TBC1D2B: variants seen among roughly 807,000 people sequenced by gnomAD.
TBC1D2B encodes TBC1 domain family member 2B.
In TBC1D2B, 64 loss-of-function variants were observed where a neutral mutation model predicts 100.8. That is an observed-to-expected ratio of 0.64 (90% CI 0.52 to 0.78). The LOEUF is 0.78. TBC1D2B is among the 30% of genes least tolerant of loss of function. The pLI, the probability that TBC1D2B is intolerant of heterozygous loss-of-function variation, is 0.00. For synonymous variants in TBC1D2B, 480 were observed against 479.7 expected (o/e 1.00, Z -0.01); for missense variants, 1,052 against 1,218.4 (o/e 0.86, Z 2.03).
At chr15:78,057,939 G>C (rs1244152979) in intron 1 of TBC1D2B, among the ~76,000 whole-genome samples, 1 of 152,166 alleles carries the variant, frequency 6.6e-6, no homozygotes, top group African/African-American at 2.4e-5. Flanking sequence ...TTCGGCTCAG[G>C]CCTAATTAAA....
intron 6 of TBC1D2B, among the ~76,000 whole-genome samples, chr15:78,020,749 C>G (rs2072496181): frequency 6.6e-6 from 1 of 152,148 alleles, no homozygotes; most frequent in Non-Finnish European, 1.5e-5. Context: ...CTGTTTGTGC[C>G]TCTAAACTAA....
intron 2 of TBC1D2B, among the ~76,000 whole-genome samples, chr15:78,051,563 T>C (rs1222662404): frequency 2.0e-5 from 3 of 152,244 alleles, no homozygotes; most frequent in African/African-American, 7.2e-5. Context: ...TTCTCCATAT[T>C]GACTTTAGGT....
rs1213301019 is a variant in TBC1D2B, at chr15:78,003,461, C to T, written c.2418G>A (p.Met806Ile). The change falls in exon 11 of 13, where the codon ATG (methionine) becomes ATA (isoleucine). Residue 806 changes from methionine (M) to isoleucine (I), a missense_variant. Met to Ile is a conservative substitution (Grantham distance 10, BLOSUM62 1). Coordinates refer to ENST00000300584, the MANE Select transcript of TBC1D2B (RefSeq NM_144572.2). Reference sequence around the variant, plus strand: ...CATGCAACCGAGGCAGCTTCTCACTCATAAGGTCTCTGAACACCCGCTGGT... The same window carrying T: ...CATGCAACCGAGGCAGCTTCTCACTTATAAGGTCTCTGAACACCCGCTGGT... ...QVDQRVFRDL[M>I]SEKLPRLHGH... The T allele has an allele frequency of 6.2e-7, 1 of 1,612,670 alleles. No homozygotes were observed. Among genetic ancestry groups the T allele is most frequent in the South Asian group, 1.1e-5 (1 of 91,048 alleles).
intron 1 of TBC1D2B, among the ~76,000 whole-genome samples, chr15:78,060,879 T>C (rs886517745): frequency 2.6e-5 from 4 of 151,494 alleles, no homozygotes; most frequent in African/African-American, 9.7e-5. Flanking sequence ...ATCGCGCCAC[T>C]GCACTCCAGC....
At chr15:78,052,031 T>C (rs1448792222) in intron 2 of TBC1D2B, among the ~76,000 whole-genome samples, 2 of 152,206 alleles carry the variant, frequency 1.3e-5, no homozygotes, top group East Asian at 3.8e-4. Context: ...CCACTGCTCT[T>C]AGGTTAAAGT....
At chr15:78,068,609 C>T (rs1044819873) in intron 1 of TBC1D2B, among the ~76,000 whole-genome samples, 1 of 152,160 alleles carries the variant, frequency 6.6e-6, no homozygotes, top group African/African-American at 2.4e-5. Context: ...AATCTGTAGC[C>T]GACTGAGGGC....
intron 3 of TBC1D2B, among the ~76,000 whole-genome samples, chr15:78,035,852 T>C (rs2072932063): frequency 6.6e-6 from 1 of 152,176 alleles, no homozygotes; most frequent in African/African-American, 2.4e-5. Context: ...GAACAAGAGC[T>C]CTAGTAAGGG....
At position 78,077,442 on chromosome 15, in the gene TBC1D2B, T is replaced by C. The variant is rs2073848574; in HGVS notation, c.211A>G (p.Lys71Glu). Residue 71 changes from lysine to glutamate, a missense_variant, in exon 1 of 13, where the codon AAG becomes GAG. Lys to Glu is a moderately conservative substitution (Grantham distance 56). Transcript: ENST00000300584. The stretch of plus-strand genomic sequence containing the variant: ...AGGGGCAGCGCGTCCTGCGGACTCT[T>C]GAAATAGTAAAGGTAGCAGCGGCGC... ...DARRCYLYYF[K>E]SPQDALPLGH... The C allele has an allele frequency of 6.5e-7, 1 of 1,543,878 alleles. No individual in the cohort carries two copies. The highest frequency in any genetic ancestry group is 8.7e-7 in the Non-Finnish European group (1 of 1,144,564).
At chr15:78,000,116 C>T (rs949628391) in intron 12 of TBC1D2B, among the ~76,000 whole-genome samples, 9 of 152,216 alleles carry the variant, frequency 5.9e-5, no homozygotes, top group Non-Finnish European at 7.3e-5. Flanking sequence ...TTGATAACAG[C>T]GGGGAGCCTG....
chr15:78,057,026 G>A (rs944499520), intron 1 of TBC1D2B, among the ~76,000 whole-genome samples: 1 of 152,174 alleles, frequency 6.6e-6, no homozygotes, highest in African/African-American at 2.4e-5. Flanking sequence ...CAGGCTGCTA[G>A]AGAAGCTGGC....
rs778378556 is a variant in TBC1D2B, at chr15:78,024,461, C to CTGTG, written c.1164_1165insCACA (p.Gly389HisfsTer16). ...AGCTCGAGCGTGTCCTTTGGGACCCCCTCACAGAGCCGGCTGCTTGTGAAA... is the reference window on the plus strand; with the variant it reads ...AGCTCGAGCGTGTCCTTTGGGACCCCTGTGCTCACAGAGCCGGCTGCTTGTGAAA... On this transcript the variant is annotated frameshift_variant, in exon 6 of 13. Coordinates refer to ENST00000300584, the MANE Select transcript of TBC1D2B (RefSeq NM_144572.2). LOFTEE classifies it high-confidence loss of function. 3.1e-6 allele frequency: 5 copies of CTGTG among 1,613,848 alleles called. No homozygotes were observed. The highest frequency in any genetic ancestry group is 4.2e-6 in the Non-Finnish European group (5 of 1,179,896).
intron 12 of TBC1D2B, among the ~76,000 whole-genome samples, chr15:78,001,152 C>A: frequency 6.6e-6 from 1 of 152,196 alleles, no homozygotes; most frequent in East Asian, 1.9e-4. Context: ...TGAAGGACCC[C>A]CTGTCCCCAT....
In TBC1D2B at chr15:78,003,689, ACCGAGTGT is replaced by A. The variant is rs1023153449; in HGVS notation, c.2389-207_2389-200del. On this transcript the variant is annotated intron_variant, in intron 10 of 12. Coordinates refer to ENST00000300584, the MANE Select transcript of TBC1D2B (RefSeq NM_144572.2). ...CTGACCTCGTGCACTGCAGGTACAC[ACCGAGTGT>A]CCGCTGAACAGCATGCTTTCCACAG... The A allele has an allele frequency of 9.5e-6, 5 of 525,404 alleles. No homozygotes were observed. The Admixed American group carries it at 1.5e-4, about 16-fold the overall frequency. 32.5% of individuals were successfully genotyped at this position (525,404 alleles called of 1,614,324 possible).
At chr15:78,064,529 A>T (rs1284223068) in intron 1 of TBC1D2B, among the ~76,000 whole-genome samples, 2 of 152,344 alleles carry the variant, frequency 1.3e-5, no homozygotes, top group East Asian at 3.8e-4. Flanking sequence ...TCTTAAACTC[A>T]AGGAAGATAT....
chr15:78,028,986 G>A (rs1487030260), intron 4 of TBC1D2B, among the ~76,000 whole-genome samples: 1 of 152,072 alleles, frequency 6.6e-6, no homozygotes, highest in Non-Finnish European at 1.5e-5. Flanking sequence ...AGACACTTAG[G>A]GAACAATTAA....
intron 1 of TBC1D2B, among the ~76,000 whole-genome samples, chr15:78,071,240 T>C (rs939583151): frequency 1.3e-5 from 2 of 152,228 alleles, no homozygotes; most frequent in African/African-American, 4.8e-5. Context: ...AGTGCTGGGA[T>C]TACAGGAGTG....
chr15:78,052,490 G>T (rs138867817), intron 2 of TBC1D2B, among the ~76,000 whole-genome samples: 1 of 152,294 alleles, frequency 6.6e-6, no homozygotes, highest in East Asian at 1.9e-4. Context: ...CATACCTGGA[G>T]TCCCCATATC....
intron 1 of TBC1D2B, among the ~76,000 whole-genome samples, chr15:78,065,539 T>A (rs919994500): frequency 4.6e-5 from 7 of 152,176 alleles, no homozygotes; most frequent in Admixed American, 3.9e-4. Context: ...GCACGAGGCC[T>A]CCAAGTGACC....
intron 1 of TBC1D2B, among the ~76,000 whole-genome samples, chr15:78,073,257 T>C (rs888617904): frequency 2.6e-5 from 4 of 152,204 alleles, no homozygotes; most frequent in African/African-American, 9.7e-5. Context: ...AAGAAATTCC[T>C]ATATCAGCTT....
Sources: allele counts gnomAD v4.1 joint callset (sites outside exome capture counted in the v4.1 genomes callset), GRCh38; gene constraint gnomAD v4.1.1; transcripts MANE v1.5; gene names NCBI Gene and HGNC (gene_info 2026-07-23, HGNC 2026-07-21).